Variants in ARHGAP26 observed in about 807,000 individuals in gnomAD.
ARHGAP26 encodes the protein rho GTPase-activating protein 26.
ARHGAP26 carries 38 observed loss-of-function variants against 104.8 expected under a neutral mutation model. The ratio of observed to expected loss-of-function variants is 0.36; its 90% CI spans 0.28 to 0.48. ARHGAP26 has a LOEUF of 0.48. Among genes scored for constraint, ARHGAP26 ranks in the 20% least tolerant of loss-of-function variants. ARHGAP26 has a pLI of 0.99. For missense variants in ARHGAP26, 704 were observed against 947.9 expected (o/e 0.74, Z 3.38); for synonymous variants, 341 against 340.0 (o/e 1.00, Z -0.03).
At chr5:143,062,341 A>G (rs918231004) in intron 17 of ARHGAP26, among the ~76,000 whole-genome samples, 3 of 152,152 alleles carry the variant, frequency 2.0e-5, no homozygotes, top group African/African-American at 7.2e-5. Context: ...CAATTGTCTA[A>G]TGTTTATTTT....
intron 11 of ARHGAP26, among the ~76,000 whole-genome samples, chr5:142,954,205 A>G (rs527715659): frequency 5.9e-5 from 9 of 152,220 alleles, no homozygotes; most frequent in African/African-American, 1.9e-4. Flanking sequence ...TCCATGAAAT[A>G]TAAGAATGTT....
intron 11 of ARHGAP26, among the ~76,000 whole-genome samples, chr5:143,013,551 C>T (rs1598628868): frequency 6.6e-6 from 1 of 152,326 alleles, no homozygotes; most frequent in South Asian, 2.1e-4. Context: ...TTCCCACTCC[C>T]CGGTATTAAC....
chr5:142,931,326 T>C (rs1480851657), intron 10 of ARHGAP26, among the ~76,000 whole-genome samples: 2 of 152,198 alleles, frequency 1.3e-5, no homozygotes. Flanking sequence ...CGCAGTCTCT[T>C]TTTCTTGCGG....
chr5:142,926,324 C>G (rs1401796555), intron 10 of ARHGAP26, among the ~76,000 whole-genome samples: 1 of 152,112 alleles, frequency 6.6e-6, no homozygotes, highest in Admixed American at 6.5e-5. Context: ...GATCCTCGTT[C>G]ATGATTCTTA....
chr5:142,857,363 G>A (rs1230336376), intron 1 of ARHGAP26, among the ~76,000 whole-genome samples: 1 of 152,112 alleles, frequency 6.6e-6, no homozygotes, highest in Non-Finnish European at 1.5e-5. Flanking sequence ...AGATTCCTGG[G>A]TTGATGGGCA....
chr5:143,175,489 A>G (rs1803352545), intron 20 of ARHGAP26, among the ~76,000 whole-genome samples: 1 of 152,192 alleles, frequency 6.6e-6, no homozygotes. Context: ...TTTAGAAAAA[A>G]GATTGTTTTT....
chr5:143,083,561 C>A (rs1052910186), intron 17 of ARHGAP26, among the ~76,000 whole-genome samples: 6 of 152,194 alleles, frequency 3.9e-5, no homozygotes, highest in Non-Finnish European at 8.8e-5. Context: ...TGCAGGGACA[C>A]AATCTTGGCT....
At chr5:142,965,239 AGAC>A (rs1348640430) in intron 11 of ARHGAP26, among the ~76,000 whole-genome samples, 4 of 152,212 alleles carry the variant, frequency 2.6e-5, no homozygotes, top group Non-Finnish European at 5.9e-5. Flanking sequence ...CATCACAGGG[AGAC>A]GGTTAGGCCT....
chr5:143,093,915 G>A (rs2150552628), intron 17 of ARHGAP26, among the ~76,000 whole-genome samples: 1 of 152,278 alleles, frequency 6.6e-6, no homozygotes, highest in East Asian at 1.9e-4. Context: ...CCCACTTCAT[G>A]GGGATTACTC....
intron 1 of ARHGAP26, among the ~76,000 whole-genome samples, chr5:142,811,782 G>A (rs1272140571): frequency 6.6e-6 from 1 of 152,214 alleles, no homozygotes; most frequent in Admixed American, 6.5e-5. Flanking sequence ...TTTCACTTAT[G>A]ATACTCTTGT....
chr5:143,052,057 A>C (rs1447542057), intron 14 of ARHGAP26, among the ~76,000 whole-genome samples: 2 of 152,340 alleles, frequency 1.3e-5, no homozygotes, highest in African/African-American at 4.8e-5. Context: ...CAAGATGGCA[A>C]AGACACAAAT....
At chr5:143,093,509 T>C (rs561052546) in intron 17 of ARHGAP26, among the ~76,000 whole-genome samples, 1 of 152,218 alleles carries the variant, frequency 6.6e-6, no homozygotes, top group Admixed American at 6.5e-5. Flanking sequence ...TCTCTCTCTT[T>C]CTTTCTCTCT....
chr5:142,913,618 A>G (rs1762118278), intron 10 of ARHGAP26, among the ~76,000 whole-genome samples: 1 of 152,216 alleles, frequency 6.6e-6, no homozygotes, highest in Non-Finnish European at 1.5e-5. Context: ...GAGATTGAGT[A>G]GTAGACTTTT....
At chr5:142,809,638 G>A (rs765046673) in intron 1 of ARHGAP26, among the ~76,000 whole-genome samples, 14 of 152,166 alleles carry the variant, frequency 9.2e-5, no homozygotes, top group Non-Finnish European at 1.5e-4. Context: ...TATTTATACA[G>A]TTGCTAGCTT....
At chr5:143,147,511 T>C in intron 20 of ARHGAP26, 130 bp downstream of exon 20, 1 of 1,096,344 alleles carries the variant, frequency 9.1e-7, no homozygotes, top group Non-Finnish European at 1.3e-6. Flanking sequence ...CTCCCTAAAC[T>C]GGGAGCTCAG....
chr5:143,120,440 T>C (rs1429804478), intron 17 of ARHGAP26, among the ~76,000 whole-genome samples: 1 of 152,240 alleles, frequency 6.6e-6, no homozygotes, highest in Non-Finnish European at 1.5e-5. Flanking sequence ...GTGAGCCATA[T>C]GTTTAATCTG....
At chr5:143,222,271 A>ACCC (rs147905979) in intron 22 of ARHGAP26, 87 bp from the exon 23 acceptor site, 1 of 711,092 alleles carries the variant, frequency 1.4e-6, no homozygotes, top group Non-Finnish European at 2.2e-6. Flanking sequence ...ACACACACAC[A>ACCC]CACACACACA....
At chr5:142,775,224 A>G (rs1481477853) in intron 1 of ARHGAP26, among the ~76,000 whole-genome samples, 4 of 152,194 alleles carry the variant, frequency 2.6e-5, no homozygotes, top group African/African-American at 7.2e-5. Flanking sequence ...CTCACCAGCA[A>G]TGAATGAGAG....
Position 143,113,976 on chromosome 5 carries a change from G to T in ARHGAP26, c.1539-7012G>T, listed in dbSNP as rs1209355681. ...CTTCATTCCCCTCCTGACTTTGCCCGTCGTTAGCTGTGTAACCTCGAGCCA... is the reference window on the plus strand; with the variant it reads ...CTTCATTCCCCTCCTGACTTTGCCCTTCGTTAGCTGTGTAACCTCGAGCCA... On this transcript the variant is annotated intron_variant, in intron 17 of 22. Coordinates refer to ENST00000645722, the MANE Select transcript of ARHGAP26 (RefSeq NM_001135608.3). Among the ~76,000 whole-genome samples, 7 of 152,116 alleles carry T rather than the reference G, an allele frequency of 4.6e-5. No homozygotes were observed. The East Asian group carries it at 1.3e-3, about 29-fold the overall frequency.
Sources: gnomAD v4.1 joint callset for allele counts (sites outside exome capture counted in the v4.1 genomes callset) on GRCh38, gnomAD v4.1.1 for gene constraint, MANE v1.5 for transcripts, NCBI Gene and HGNC (gene_info 2026-07-23, HGNC 2026-07-21) for gene names.